Variants in TGFA observed in about 807,000 individuals in gnomAD.
TGFA encodes protransforming growth factor alpha.
In TGFA, 12 loss-of-function variants were observed where a neutral mutation model predicts 21.7. The observed-to-expected ratio is 0.55, with a 90% CI of 0.35 to 0.90. The LOEUF is 0.90. TGFA is among the 40% of genes least tolerant of loss of function. The probability of loss-of-function intolerance (pLI) is 0.01; values close to 1 mark genes in which losing one functional copy is unlikely to be tolerated. For missense variants in TGFA, 178 were observed against 210.8 expected (o/e 0.84, Z 0.96); for synonymous variants, 79 against 88.1 (o/e 0.90, Z 0.58).
chr2:70,534,017 T>C (rs1553504054), intron 1 of TGFA, among the ~76,000 whole-genome samples: 1 of 152,018 alleles, frequency 6.6e-6, no homozygotes, highest in African/African-American at 2.4e-5. Flanking sequence ...ATTTGTAGAA[T>C]GCACACACTG....
At chr2:70,539,893 C>T (rs377122) in intron 1 of TGFA, among the ~76,000 whole-genome samples, 88,211 of 152,054 alleles carry the variant, frequency 0.58, 25,736 homozygotes, top group African/African-American at 0.62. Flanking sequence ...GTCTGTGGTT[C>T]CACATATGCC....
chr2:70,471,706 G>T (rs1310926224), intron 2 of TGFA, among the ~76,000 whole-genome samples: 1 of 152,114 alleles, frequency 6.6e-6, no homozygotes, highest in Non-Finnish European at 1.5e-5. Context: ...AAGTGCTGGG[G>T]GCTTTCCTTA....
chr2:70,524,062 C>T (rs541543609), intron 1 of TGFA, among the ~76,000 whole-genome samples: 2 of 152,258 alleles, frequency 1.3e-5, no homozygotes, highest in South Asian at 2.1e-4. Context: ...TTCTAAGGCC[C>T]GGCCACTGTG....
chr2:70,534,093 G>A (rs138172169), intron 1 of TGFA, among the ~76,000 whole-genome samples: 5 of 152,286 alleles, frequency 3.3e-5, no homozygotes, highest in African/African-American at 9.6e-5. Context: ...CTATTCGGAG[G>A]TACAAAGACC....
chr2:70,494,054 G>A (rs1027714762), intron 2 of TGFA, among the ~76,000 whole-genome samples: 2 of 152,190 alleles, frequency 1.3e-5, no homozygotes, highest in Admixed American at 1.3e-4. Flanking sequence ...AGGAGGGATG[G>A]TTCCCTCTGG....
At chr2:70,500,087 A>G (rs1210310809) in intron 2 of TGFA, among the ~76,000 whole-genome samples, 3 of 152,220 alleles carry the variant, frequency 2.0e-5, no homozygotes, top group Non-Finnish European at 2.9e-5. Flanking sequence ...AGTCTTCACT[A>G]TATGGTATAT....
At chr2:70,455,821 G>A (rs912033442) in intron 4 of TGFA, among the ~76,000 whole-genome samples, 2 of 152,202 alleles carry the variant, frequency 1.3e-5, no homozygotes, top group African/African-American at 4.8e-5. Flanking sequence ...CTTCCTGGAA[G>A]ATACAACACA....
intron 1 of TGFA, among the ~76,000 whole-genome samples, chr2:70,543,151 C>G (rs553929468): frequency 3.3e-5 from 5 of 151,864 alleles, no homozygotes; most frequent in Admixed American, 1.3e-4. Flanking sequence ...TTTTTTCCCT[C>G]TAAATATCAT....
chr2:70,516,165 C>A (rs112755209), intron 1 of TGFA, among the ~76,000 whole-genome samples: 1 of 152,304 alleles, frequency 6.6e-6, no homozygotes, highest in South Asian at 2.1e-4. Flanking sequence ...AAAACTGAAA[C>A]GCAAAAAGAT....
chr2:70,519,181 C>A (rs1672376197), intron 1 of TGFA, among the ~76,000 whole-genome samples: 1 of 152,080 alleles, frequency 6.6e-6, no homozygotes, highest in South Asian at 2.1e-4. Context: ...CCCTTCCTCC[C>A]CTACCATTCT....
At chr2:70,523,212 T>G (rs995648387) in intron 1 of TGFA, among the ~76,000 whole-genome samples, 6 of 152,290 alleles carry the variant, frequency 3.9e-5, no homozygotes, top group South Asian at 2.1e-4. Context: ...TTTTGTTGGC[T>G]TTTCCTGAAA....
At chr2:70,500,842 T>C (rs782138343) in intron 2 of TGFA, among the ~76,000 whole-genome samples, 1 of 152,208 alleles carries the variant, frequency 6.6e-6, no homozygotes, top group Non-Finnish European at 1.5e-5. Flanking sequence ...CTTGCAAATA[T>C]TTTCTCCCAT....
intron 1 of TGFA, chr2:70,553,106 T>A: frequency 6.8e-7 from 1 of 1,471,812 alleles, no homozygotes; most frequent in South Asian, 1.2e-5. Context: ...GCTCCTGCCC[T>A]CGGCGGACAC....
chr2:70,462,963 G>A (rs903990154), intron 3 of TGFA, among the ~76,000 whole-genome samples: 1 of 152,122 alleles, frequency 6.6e-6, no homozygotes, highest in South Asian at 2.1e-4. Context: ...CTCAGGAGGA[G>A]GGTTAATTTG....
chr2:70,550,738 G>C (rs1188866462), intron 1 of TGFA, among the ~76,000 whole-genome samples: 2 of 152,148 alleles, frequency 1.3e-5, no homozygotes, highest in African/African-American at 4.8e-5. Context: ...GCAGAATGGC[G>C]TGAACCCGGG....
rs530271428 is a variant in TGFA at position 70,449,633 on chromosome 2, T to C, written c.*1226A>G. On this transcript the variant is annotated 3_prime_UTR_variant, in exon 6 of 6. Coordinates refer to ENST00000295400, the MANE Select transcript of TGFA (RefSeq NM_003236.4). Reference sequence around the variant, plus strand: ...ATAAAGCCGGCATCCTGAATGGAAATGAGGAAAAAAAAATTACTGGAATAG... The same window carrying C: ...ATAAAGCCGGCATCCTGAATGGAAACGAGGAAAAAAAAATTACTGGAATAG... 4.0e-6 allele frequency: 1 copy of C among 250,264 alleles called. No individual in the cohort carries two copies. Among genetic ancestry groups the C allele is most frequent in the Non-Finnish European group, 8.4e-6 (1 of 119,404 alleles). The allele number at this position is 250,264 out of a possible 1,614,324, so 15.5% of individuals were successfully genotyped here. A position where few individuals can be genotyped will look rare whatever the true frequency, so the allele number is the denominator to read the frequency against.
intron 2 of TGFA, among the ~76,000 whole-genome samples, chr2:70,497,804 G>C (rs782323411): frequency 6.6e-6 from 1 of 152,148 alleles, no homozygotes; most frequent in Non-Finnish European, 1.5e-5. Context: ...AGCTATCCAG[G>C]CTAAGCAATT....
intron 2 of TGFA, among the ~76,000 whole-genome samples, chr2:70,503,013 T>C (rs1045099790): frequency 1.3e-5 from 2 of 152,174 alleles, no homozygotes; most frequent in Non-Finnish European, 2.9e-5. Context: ...GAAGTCAGTG[T>C]GGGAATTCCT....
intron 2 of TGFA, among the ~76,000 whole-genome samples, chr2:70,472,377 T>G (rs1670779389): frequency 1.3e-5 from 2 of 152,128 alleles, no homozygotes; most frequent in Admixed American, 6.5e-5. Context: ...CAGTTCCTGT[T>G]GCCATGAAAT....
Sources: gnomAD v4.1 joint callset for allele counts (sites outside exome capture counted in the v4.1 genomes callset) on GRCh38, gnomAD v4.1.1 for gene constraint, MANE v1.5 for transcripts, NCBI Gene and HGNC (gene_info 2026-07-23, HGNC 2026-07-21) for gene names.